Variants in AOPEP observed in about 807,000 individuals in gnomAD.
AOPEP encodes the protein aminopeptidase O.
AOPEP carries 77 observed loss-of-function variants against 98.1 expected under a neutral mutation model. The observed-to-expected ratio is 0.78, with a 90% CI of 0.65 to 0.95. The LOEUF is 0.95. Among genes scored for constraint, AOPEP ranks in the 40% least tolerant of loss-of-function variants. The pLI, the probability that AOPEP is intolerant of heterozygous loss-of-function variation, is 0.00. For synonymous variants in AOPEP, 346 were observed against 365.3 expected (o/e 0.95, Z 0.60); for missense variants, 1,024 against 1,024.7 (o/e 1.00, Z 0.01).
the AOPEP span, among the ~76,000 whole-genome samples, chr9:95,109,017 C>CATCT: frequency 6.6e-6 from 1 of 152,028 alleles, no homozygotes; most frequent in Non-Finnish European, 1.5e-5. Flanking sequence ...GCGATCCTTC[C>CATCT]ATCTATCTCA....
chr9:94,746,574 G>A (rs1834528402), intron 1 of AOPEP, among the ~76,000 whole-genome samples: 1 of 152,152 alleles, frequency 6.6e-6, no homozygotes, highest in South Asian at 2.1e-4. Flanking sequence ...GCTATACTTT[G>A]CAAGCAAGTA....
intron 1 of AOPEP, among the ~76,000 whole-genome samples, chr9:94,745,982 AC>A (rs1175512603): frequency 6.6e-6 from 1 of 152,208 alleles, no homozygotes; most frequent in Non-Finnish European, 1.5e-5. Context: ...TTACATTCCC[AC>A]CAACAATGTA....
At chr9:95,048,091 A>C (rs2066000698) in intron 13 of AOPEP, among the ~76,000 whole-genome samples, 1 of 151,734 alleles carries the variant, frequency 6.6e-6, no homozygotes. Flanking sequence ...TGCAGGAGGG[A>C]CCAAACTTAA....
At chr9:94,764,796 G>A (rs1839178764) in intron 2 of AOPEP, among the ~76,000 whole-genome samples, 1 of 152,136 alleles carries the variant, frequency 6.6e-6, no homozygotes, top group African/African-American at 2.4e-5. Flanking sequence ...AATATAAGAT[G>A]CCAGTAATAG....
intron 3 of AOPEP, 66 bp downstream of exon 3, chr9:94,773,234 C>A: frequency 7.2e-7 from 1 of 1,387,094 alleles, no homozygotes; most frequent in Non-Finnish European, 9.8e-7. Context: ...ACCCAATAAA[C>A]AGTATTTTTC....
chr9:94,732,239 T>C (rs1030474171), intron 1 of AOPEP, among the ~76,000 whole-genome samples: 2 of 109,982 alleles, frequency 1.8e-5, no homozygotes, highest in Non-Finnish European at 3.6e-5. Flanking sequence ...ATCCATGCTT[T>C]CAGTCAACTT....
Position 94,727,087 on chromosome 9 carries a change from G to A in AOPEP, c.-136+336G>A, listed in dbSNP as rs1052868979. Among the ~76,000 whole-genome samples the A allele has an allele frequency of 2.6e-5, 4 of 152,182 alleles. No individual in the cohort carries two copies. In the East Asian group the frequency reaches 7.7e-4, roughly 29 times the overall value. On this transcript the variant is annotated intron_variant, in intron 1 of 16. Coordinates refer to ENST00000375315, the MANE Select transcript of AOPEP (RefSeq NM_001193329.3). ...GCCTCCAGGCCCTCGGTCACCTGCC[G>A]GTCTCGGCTTCTAGCCCCACAGGGC...
chr9:94,996,531 G>C (rs1269825123), intron 11 of AOPEP, among the ~76,000 whole-genome samples: 1 of 152,024 alleles, frequency 6.6e-6, no homozygotes, highest in Non-Finnish European at 1.5e-5. Flanking sequence ...TTTAAAACTC[G>C]ACCTGCCAGG....
At chr9:95,008,170 C>T (rs1483186207) in intron 13 of AOPEP, among the ~76,000 whole-genome samples, 1 of 152,128 alleles carries the variant, frequency 6.6e-6, no homozygotes, top group Non-Finnish European at 1.5e-5. Context: ...ACTTTGTTTT[C>T]CTTGCCTCCG....
chr9:95,111,219 GTCT>G, the AOPEP span: 4 of 1,536,428 alleles, frequency 2.6e-6, no homozygotes, highest in South Asian at 3.6e-5. Context: ...GGGAAGAAGG[GTCT>G]TCGTTTTGCA....
intron 5 of AOPEP, chr9:94,900,795 T>C (rs544879651): frequency 8.5e-5 from 13 of 152,324 alleles, no homozygotes; most frequent in Admixed American, 2.6e-4. Context: ...TTAGAGTGTG[T>C]TTTCTACTTA....
chr9:94,801,965 G>C (rs1482822662), intron 5 of AOPEP, among the ~76,000 whole-genome samples: 1 of 152,168 alleles, frequency 6.6e-6, no homozygotes, highest in African/African-American at 2.4e-5. Flanking sequence ...CAGAACATTT[G>C]CTTTTGATCT....
At chr9:94,731,076 G>A (rs1830410563) in intron 1 of AOPEP, among the ~76,000 whole-genome samples, 1 of 152,140 alleles carries the variant, frequency 6.6e-6, no homozygotes, top group South Asian at 2.1e-4. Flanking sequence ...CAGCCTCAGA[G>A]TTTCTGAAAT....
At chr9:95,125,085 C>T in the AOPEP span, 1 of 1,613,634 alleles carries the variant, frequency 6.2e-7, no homozygotes, top group Non-Finnish European at 8.5e-7. Context: ...ATATAACAAA[C>T]CTGCTTGCTT....
chr9:94,995,287 T>C (rs1043980420), intron 11 of AOPEP, among the ~76,000 whole-genome samples: 2 of 152,210 alleles, frequency 1.3e-5, no homozygotes, highest in African/African-American at 2.4e-5. Flanking sequence ...GATAGACTTT[T>C]GTTTCTGAGG....
intron 5 of AOPEP, among the ~76,000 whole-genome samples, chr9:94,835,641 CTCTG>C (rs2041503804): frequency 6.6e-6 from 1 of 152,192 alleles, no homozygotes; most frequent in African/African-American, 2.4e-5. Flanking sequence ...TGAAATCTTG[CTCTG>C]TCTCTTTCTG....
intron 1 of AOPEP, among the ~76,000 whole-genome samples, chr9:94,748,083 A>C (rs1294143833): frequency 6.6e-6 from 1 of 152,202 alleles, no homozygotes; most frequent in Non-Finnish European, 1.5e-5. Flanking sequence ...ACTTTCTAAT[A>C]AATTAATAAT....
chr9:94,957,031 G>A (rs2058506661), intron 9 of AOPEP, among the ~76,000 whole-genome samples: 1 of 152,160 alleles, frequency 6.6e-6, no homozygotes, highest in Non-Finnish European at 1.5e-5. Flanking sequence ...TACATGCTTG[G>A]TTGACTGATT....
Position 94,759,739 on chromosome 9 carries a change from C to G in AOPEP, c.-45C>G. On this transcript the variant is annotated 5_prime_UTR_variant, in exon 2 of 17. Transcript: ENST00000375315. ...CTGGAAGATTAAGGCAGATAGGAAACCCCATCTGAGATTTTAATAAATCCC... is the reference window on the plus strand; with the variant it reads ...CTGGAAGATTAAGGCAGATAGGAAAGCCCATCTGAGATTTTAATAAATCCC... 6.9e-7 allele frequency: 1 copy of G among 1,443,188 alleles called. No individual in the cohort carries two copies. The allele number at this position is 1,443,188 out of a possible 1,614,324, so 89.4% of individuals were successfully genotyped here.
Sources: gnomAD v4.1 joint callset for allele counts (sites outside exome capture counted in the v4.1 genomes callset) on GRCh38, gnomAD v4.1.1 for gene constraint, MANE v1.5 for transcripts, NCBI Gene and HGNC (gene_info 2026-07-23, HGNC 2026-07-21) for gene names.